LRRIQ4: variants seen among roughly 807,000 people sequenced by gnomAD.
LRRIQ4 encodes the protein leucine rich repeats and IQ motif containing 4.
A neutral mutation model predicts 40.1 loss-of-function variants in LRRIQ4; 21 were observed. That is an observed-to-expected ratio of 0.52 (90% CI 0.37 to 0.75). The LOEUF is 0.75. Ranked by LOEUF, LRRIQ4 falls within the 30% of genes least tolerant of loss-of-function variation. LRRIQ4 has a pLI of 0.00. For missense variants in LRRIQ4, 655 were observed against 660.0 expected (o/e 0.99, Z 0.08); for synonymous variants, 277 against 277.1 (o/e 1.00, Z 0.00).
At chr3:169,817,382 G>A (rs1011519697) in intron 1 of LRRIQ4, among the ~76,000 whole-genome samples, 3 of 152,194 alleles carry the variant, frequency 2.0e-5, no homozygotes, top group African/African-American at 4.8e-5. Context: ...AGATCCATGT[G>A]CTGAGGAAAA....
chr3:169,822,015 G>T lies in LRRIQ4; in HGVS notation c.94G>T (p.Ala32Ser). ...HVNDRTFFID[A>S]SNQSLTAIPL... is the part of the protein sequence containing the mutation. ...CAATGATAGAACATTTTTCATTGAT[G>T]CCTCTAATCAGAGCTTGACTGCCAT... Residue 32 changes from alanine (A) to serine (S), a missense_variant, in exon 2 of 6, where the codon GCC (alanine) becomes TCC (serine). Physicochemically the swap from Ala to Ser is moderately conservative, Grantham distance 99. Coordinates refer to ENST00000340806, the MANE Select transcript of LRRIQ4 (RefSeq NM_001080460.3). 1.3e-6 allele frequency: 2 copies of T among 1,578,784 alleles called. No individual in the cohort carries two copies. Among genetic ancestry groups the T allele is most frequent in the Admixed American group, 2.0e-5 (1 of 50,350 alleles).
At chr3:169,832,622 A>C (rs567397819) in intron 4 of LRRIQ4, among the ~76,000 whole-genome samples, 12 of 125,082 alleles carry the variant, frequency 9.6e-5, no homozygotes, top group African/African-American at 3.7e-4. Context: ...ACAAAGTGAG[A>C]CTCTGTCTCA....
At chr3:169,834,952 A>G (rs1780273260) in intron 5 of LRRIQ4, among the ~76,000 whole-genome samples, 2 of 152,136 alleles carry the variant, frequency 1.3e-5, no homozygotes, top group African/African-American at 4.8e-5. Flanking sequence ...GATTTTTTAG[A>G]ACAGTGTACC....
intron 1 of LRRIQ4, among the ~76,000 whole-genome samples, chr3:169,819,303 T>G (rs1267822804): frequency 1.3e-5 from 2 of 152,184 alleles, no homozygotes; most frequent in African/African-American, 4.8e-5. Flanking sequence ...TATATAGCTT[T>G]CAGAGGGCCG....
chr3:169,830,524 T>C lies in LRRIQ4; in HGVS notation c.1227T>C (p.His409=). The part of the protein sequence containing the change: ...SLKELYIENN[H]LEYLPVSLGS... The stretch of plus-strand genomic sequence containing the variant: ...AAGAGCTATATATAGAGAACAATCA[T>C]CTGGAGTACCTGCCCGTATCCTTGG... Residue 409 remains histidine (H), a synonymous_variant, in exon 4 of 6, where the codon CAT becomes CAC. Coordinates refer to ENST00000340806, the MANE Select transcript of LRRIQ4 (RefSeq NM_001080460.3). 1 of 1,608,758 alleles carries C rather than the reference T, an allele frequency of 6.2e-7. No homozygotes were observed. The highest frequency in any genetic ancestry group is 1.1e-5 in the South Asian group (1 of 90,166).
chr3:169,836,723 C>T (rs141961682), intron 5 of LRRIQ4, among the ~76,000 whole-genome samples: 72 of 152,232 alleles, frequency 4.7e-4, no homozygotes, highest in East Asian at 1.9e-4. Context: ...CTTGAAGCAG[C>T]GGAGGGGTGA....
rs781321860 is a variant in LRRIQ4, at chr3:169,822,547, A to C, written c.626A>C (p.His209Pro). ...KIGAIPEEIG[H>P]LTGLQKFYMA... ...GGTGCCATCCCAGAAGAGATCGGACACCTGACGGGGCTGCAGAAGTTCTAT... is the reference window on the plus strand; with the variant it reads ...GGTGCCATCCCAGAAGAGATCGGACCCCTGACGGGGCTGCAGAAGTTCTAT... The change falls in exon 2 of 6, where the codon CAC becomes CCC. Residue 209 changes from histidine (H) to proline (P), a missense_variant. His to Pro is a moderately conservative substitution (Grantham distance 77). Transcript: ENST00000340806. 4.3e-6 allele frequency: 7 copies of C among 1,613,806 alleles called. No individual in the cohort carries two copies. The African/African-American group carries it at 9.3e-5, about 22-fold the overall frequency.
Position 169,821,904 on chromosome 3 carries a change from G to T in LRRIQ4, c.-18G>T. The T allele has an allele frequency of 4.4e-6, 6 of 1,377,286 alleles. No homozygotes were observed. Among genetic ancestry groups the T allele is most frequent in the South Asian group, 4.2e-5 (2 of 47,364 alleles). 85.3% of individuals were successfully genotyped at this position (1,377,286 alleles called of 1,614,324 possible). On this transcript the variant is annotated 5_prime_UTR_variant, in exon 2 of 6. The change abolishes the stop of an existing upstream ORF in the 5' untranslated region. Transcript: ENST00000340806. ...ACAATATTTCAGATTTTGAATATTT[G>T]AGCTTTTCTTCACAATAATGTCAAA...
At chr3:169,828,237 A>ATT (rs776444973) in intron 2 of LRRIQ4, among the ~76,000 whole-genome samples, 8 of 146,690 alleles carry the variant, frequency 5.5e-5, no homozygotes, top group East Asian at 3.9e-4. Flanking sequence ...AATTGCTCCA[A>ATT]TTTTTTTTTT....
At chr3:169,823,338 TTC>T (rs1442770271) in intron 2 of LRRIQ4, among the ~76,000 whole-genome samples, 3 of 149,128 alleles carry the variant, frequency 2.0e-5, no homozygotes, top group African/African-American at 7.4e-5. Context: ...AGGGTCTACA[TTC>T]TTTTTTTTTT....
At chr3:169,827,061 G>A (rs1780054903) in intron 2 of LRRIQ4, among the ~76,000 whole-genome samples, 1 of 152,152 alleles carries the variant, frequency 6.6e-6, no homozygotes, top group Admixed American at 6.5e-5. Context: ...CCATAGAGAG[G>A]TGGGGGTGGG....
chr3:169,837,676 G>A lies in LRRIQ4; in HGVS notation c.*45G>A. On this transcript the variant is annotated 3_prime_UTR_variant, in exon 6 of 6. Coordinates refer to ENST00000340806, the MANE Select transcript of LRRIQ4 (RefSeq NM_001080460.3). ...GGGGTAATGGACCTTGATAGATTAA[G>A]AAGACAAAATATCTAGGAATTAGAT... 6.9e-7 allele frequency: 1 copy of A among 1,444,076 alleles called. No individual in the cohort carries two copies. 89.5% of individuals were successfully genotyped at this position (1,444,076 alleles called of 1,614,324 possible). A position where few individuals can be genotyped will look rare whatever the true frequency, so the allele number is the denominator to read the frequency against.
rs751634529 is a variant in LRRIQ4 at position 169,830,634 on chromosome 3, A to G, written c.1333+4A>G. On this transcript the variant is annotated splice_donor_region_variant and intron_variant, in intron 4 of 5. Transcript: ENST00000340806. ...GATGCCATTTGCCAAGCACAAGGTGAGGAAACTTAGTAGATTCACAGCCTA... is the reference window on the plus strand; with the variant it reads ...GATGCCATTTGCCAAGCACAAGGTGGGGAAACTTAGTAGATTCACAGCCTA... 6.2e-7 allele frequency: 1 copy of G among 1,613,880 alleles called. No homozygotes were observed. The highest frequency in any genetic ancestry group is 1.1e-5 in the South Asian group (1 of 91,044).
At chr3:169,830,071 C>T (rs1576768247) in intron 3 of LRRIQ4, among the ~76,000 whole-genome samples, 1 of 152,230 alleles carries the variant, frequency 6.6e-6, no homozygotes, top group East Asian at 1.9e-4. Flanking sequence ...ATTCCCTGTG[C>T]ATTTTGGCTA....
chr3:169,828,831 C>T lies in LRRIQ4; in HGVS notation c.1093C>T (p.Pro365Ser). ...AACAGGAAATGAGTTCCTTTCCTTT[C>T]CGGAGGAAGTCCTTTCTTTAGCGTC... ...GLTGNEFLSF[P>S]EEVLSLASLE... The change falls in exon 3 of 6, where the codon CCG (proline) becomes TCG (serine). Residue 365 changes from proline to serine, a missense_variant. Coordinates refer to ENST00000340806, the MANE Select transcript of LRRIQ4 (RefSeq NM_001080460.3). 1.2e-6 allele frequency: 2 copies of T among 1,613,852 alleles called. No homozygotes were observed. Among genetic ancestry groups the T allele is most frequent in the Middle Eastern group, 1.6e-4 (1 of 6,062 alleles).
intron 1 of LRRIQ4, among the ~76,000 whole-genome samples, chr3:169,817,993 C>A (rs559873430): frequency 1.4e-4 from 22 of 152,298 alleles, no homozygotes; most frequent in African/African-American, 5.3e-4. Flanking sequence ...TTTAGAACCC[C>A]CAGAGCACTT....
At chr3:169,821,121 A>T (rs1576761066) in intron 1 of LRRIQ4, among the ~76,000 whole-genome samples, 1 of 152,202 alleles carries the variant, frequency 6.6e-6, no homozygotes, top group African/African-American at 2.4e-5. Context: ...AGTTATTTAG[A>T]AAAGGTTGGT....
intron 4 of LRRIQ4, 120 bp downstream of exon 4, chr3:169,830,750 A>G (rs1576768977): frequency 8.9e-6 from 11 of 1,238,372 alleles, no homozygotes; most frequent in African/African-American, 1.5e-5. Flanking sequence ...AGTCTATCCC[A>G]TTACTTCCTT....
chr3:169,814,501 T>C (rs9872368), intron 1 of LRRIQ4, among the ~76,000 whole-genome samples: 2 of 146,274 alleles, frequency 1.4e-5, no homozygotes, highest in Non-Finnish European at 3.0e-5. Context: ...TTGTTTGTTT[T>C]TTGAGACAGA....
Sources: allele counts gnomAD v4.1 joint callset (sites outside exome capture counted in the v4.1 genomes callset), GRCh38; gene constraint gnomAD v4.1.1; transcripts MANE v1.5; gene names NCBI Gene and HGNC (gene_info 2026-07-23, HGNC 2026-07-21).